ETFDH: variants seen among roughly 807,000 people sequenced by gnomAD.
The protein encoded by ETFDH is electron transfer flavoprotein dehydrogenase.
ETFDH carries 61 observed loss-of-function variants against 73.2 expected under a neutral mutation model. The ratio of observed to expected loss-of-function variants is 0.83; its 90% confidence interval spans 0.68 to 1.03. ETFDH has a LOEUF of 1.03. Ranked by LOEUF, ETFDH falls within the 50% of genes least tolerant of loss-of-function variation. The pLI, the probability that ETFDH is intolerant of heterozygous loss-of-function variation, is 0.00. For missense variants in ETFDH, 685 were observed against 745.0 expected, an observed-to-expected ratio of 0.92 and a Z score of 0.94; for synonymous variants, 243 against 253.3, an observed-to-expected ratio of 0.96 and a Z score of 0.39.
At chr4:158,678,653 C>CTTT (rs11438999) in intron 1 of ETFDH, among the ~76,000 whole-genome samples, 3 of 140,328 alleles carry the variant, frequency 2.1e-5, no homozygotes, top group East Asian at 2.1e-4. Flanking sequence ...ATATCACCAT[C>CTTT]TTTTTTTTTT....
intron 1 of ETFDH, among the ~76,000 whole-genome samples, chr4:158,676,223 C>G (rs980522067): frequency 1.3e-5 from 2 of 151,968 alleles, no homozygotes; most frequent in Non-Finnish European, 2.9e-5. Context: ...TTGGTCAGGT[C>G]AGAGGTGAAA....
At chr4:158,684,231 A>G (rs768794349) in intron 3 of ETFDH, among the ~76,000 whole-genome samples, 8 of 152,100 alleles carry the variant, frequency 5.3e-5, no homozygotes, top group Non-Finnish European at 1.0e-4. Context: ...CTCTACTAAA[A>G]ATACAAAAAT....
At chr4:158,699,381 G>A (rs1484866772) in intron 9 of ETFDH, among the ~76,000 whole-genome samples, 3 of 152,034 alleles carry the variant, frequency 2.0e-5, no homozygotes, top group African/African-American at 7.2e-5. Context: ...GTCTGCCTGG[G>A]CAACATGGCG....
At chr4:158,701,382 T>C (rs1413171383) in intron 9 of ETFDH, among the ~76,000 whole-genome samples, 1 of 152,200 alleles carries the variant, frequency 6.6e-6, no homozygotes, top group African/African-American at 2.4e-5. Context: ...CTCCTCCCCA[T>C]TGTCTGCTCT....
chr4:158,685,085 A>T lies in ETFDH; in HGVS notation c.488-16A>T. On this transcript the variant is annotated splice_polypyrimidine_tract_variant and intron_variant, in intron 4 of 12. Transcript: ENST00000511912. ...CAATAAAAAGTCAGATTTATAAATT[A>T]AGCATATATTTATAGGGCTTCCAAT... The T allele has an allele frequency of 7.4e-7, 1 of 1,348,998 alleles. No individual in the cohort carries two copies. Among genetic ancestry groups the T allele is most frequent in the Non-Finnish European group, 1.1e-6 (1 of 940,398 alleles). The allele number at this position is 1,348,998 out of a possible 1,614,324, so 83.6% of individuals were successfully genotyped here.
intron 3 of ETFDH, 32 bp from the exon 4 acceptor site, chr4:158,684,560 A>G: frequency 1.6e-6 from 2 of 1,248,080 alleles, no homozygotes; most frequent in Non-Finnish European, 2.4e-6. Context: ...AATATAAACT[A>G]AAAACATTTC....
At chr4:158,672,636 T>C (rs112649720) in intron 1 of ETFDH, 146 bp downstream of exon 1, 3 of 825,934 alleles carry the variant, frequency 3.6e-6, no homozygotes, top group Non-Finnish European at 6.1e-6. Flanking sequence ...TGTCAGCCTG[T>C]TGGGGGACCC....
At chr4:158,707,735 C>T (rs551317745) in intron 12 of ETFDH, among the ~76,000 whole-genome samples, 1 of 152,210 alleles carries the variant, frequency 6.6e-6, no homozygotes, top group East Asian at 1.9e-4. Context: ...GTGATGCTGA[C>T]AATTCAGAGA....
chr4:158,693,615 G>T (rs185465360), intron 6 of ETFDH, among the ~76,000 whole-genome samples: 18 of 152,290 alleles, frequency 1.2e-4, no homozygotes, highest in Admixed American at 5.2e-4. Flanking sequence ...TTTGCTGGTT[G>T]TTTCTTTCTG....
chr4:158,708,765 G>T lies in ETFDH; in HGVS notation c.*238G>T. 2.2e-6 allele frequency: 1 copy of T among 453,866 alleles called. No individual in the cohort carries two copies. Among genetic ancestry groups the T allele is most frequent in the Non-Finnish European group, 4.0e-6 (1 of 252,128 alleles). 28.1% of individuals were successfully genotyped at this position (453,866 alleles called of 1,614,324 possible). ...ACCTCTTCAGTTCTTCAGAGATTCA[G>T]TACCAAGAGCAAAATTCACTACTGG... On this transcript the variant is annotated 3_prime_UTR_variant, in exon 13 of 13. Transcript: ENST00000511912.
chr4:158,686,420 A>T (rs1199078080), intron 5 of ETFDH, among the ~76,000 whole-genome samples: 4 of 152,234 alleles, frequency 2.6e-5, no homozygotes, highest in African/African-American at 9.6e-5. Context: ...GCTTAGGTAC[A>T]ATAAGAATGG....
At chr4:158,690,186 A>G (rs1774126362) in intron 5 of ETFDH, among the ~76,000 whole-genome samples, 162 bp from the exon 6 acceptor site, 1 of 152,046 alleles carries the variant, frequency 6.6e-6, no homozygotes, top group Non-Finnish European at 1.5e-5. Flanking sequence ...GGAAGGGAGT[A>G]CCTTAATACA....
intron 9 of ETFDH, among the ~76,000 whole-genome samples, chr4:158,700,496 G>A (rs1436316357): frequency 6.6e-6 from 1 of 151,546 alleles, no homozygotes; most frequent in East Asian, 1.9e-4. Context: ...GTGTACTTAA[G>A]CATGTCAAAC....
At chr4:158,685,464 TG>T (rs1487059259) in intron 5 of ETFDH, among the ~76,000 whole-genome samples, 1 of 152,226 alleles carries the variant, frequency 6.6e-6, no homozygotes, top group Non-Finnish European at 1.5e-5. Context: ...TGTAGATTGT[TG>T]GTAATCTCTT....
At chr4:158,691,394 G>A (rs1445613150) in intron 6 of ETFDH, among the ~76,000 whole-genome samples, 4 of 152,138 alleles carry the variant, frequency 2.6e-5, no homozygotes, top group African/African-American at 9.7e-5. Flanking sequence ...GTGCAATCTT[G>A]GCTCACTGCA....
chr4:158,684,916 A>C, intron 4 of ETFDH, 185 bp from the exon 5 acceptor site: 3 of 619,944 alleles, frequency 4.8e-6, no homozygotes, highest in Non-Finnish European at 8.6e-6. Context: ...TTAGTGCTTT[A>C]ATGTTGTTTG....
Position 158,672,367 on chromosome 4 carries a change from C to T in ETFDH, c.-90C>T. On this transcript the variant is annotated 5_prime_UTR_variant, in exon 1 of 13. Transcript: ENST00000511912. ...GTTCTTGCTTTCCGGCAGGTGATGG[C>T]GCCCCCCGCGGCCTAGAGGTCCAGC... 5.2e-6 allele frequency: 7 copies of T among 1,358,824 alleles called. No individual in the cohort carries two copies. Among genetic ancestry groups the T allele is most frequent in the Non-Finnish European group, 7.4e-6 (7 of 948,360 alleles). The allele number at this position is 1,358,824 out of a possible 1,614,324, so 84.2% of individuals were successfully genotyped here.
Position 158,699,107 on chromosome 4 carries a change from G to A in ETFDH, c.1093G>A (p.Ala365Thr). Reference sequence around the variant, plus strand: ...AAAAAGGATTGCATACGGAGCCAGAGCTCTCAATGAAGGTGGCTTTCAGGT... The same window carrying A: ...AAAAAGGATTGCATACGGAGCCAGAACTCTCAATGAAGGTGGCTTTCAGGT... ...GGKRIAYGARALNEGGFQSIP... is the reference protein window; with the variant it reads ...GGKRIAYGARTLNEGGFQSIP... The change falls in exon 9 of 13, where the codon GCT (alanine) becomes ACT (threonine). Residue 365 changes from alanine to threonine, a missense_variant. Transcript: ENST00000511912. 1 of 1,613,994 alleles carries A rather than the reference G, an allele frequency of 6.2e-7. No individual in the cohort carries two copies.
intron 5 of ETFDH, among the ~76,000 whole-genome samples, chr4:158,687,790 C>T (rs1291617795): frequency 6.6e-6 from 1 of 152,194 alleles, no homozygotes; most frequent in African/African-American, 2.4e-5. Flanking sequence ...CCTGTAATCC[C>T]AGCACTTTGG....
Sources: gnomAD v4.1 joint callset for allele counts (sites outside exome capture counted in the v4.1 genomes callset) on GRCh38, gnomAD v4.1.1 for gene constraint, MANE v1.5 for transcripts, NCBI Gene and HGNC (gene_info 2026-07-23, HGNC 2026-07-21) for gene names.